Variants in FAM118A observed in about 807,000 individuals in gnomAD.
The protein encoded by FAM118A is protein FAM118A.
FAM118A carries 25 observed loss-of-function variants against 38.2 expected under a neutral mutation model. The observed-to-expected ratio is 0.65, with a 90% confidence interval of 0.48 to 0.91. FAM118A has a LOEUF of 0.91. Among genes scored for constraint, FAM118A ranks in the 40% least tolerant of loss-of-function variants. The pLI, the probability that FAM118A is intolerant of heterozygous loss-of-function variation, is 0.00. For missense variants in FAM118A, 425 were observed against 463.3 expected, an observed-to-expected ratio of 0.92 and a Z score of 0.76; for synonymous variants, 178 against 184.1, an observed-to-expected ratio of 0.97 and a Z score of 0.27.
At chr22:45,327,774 G>A in intron 3 of FAM118A, 68 bp from the exon 4 acceptor site, 1 of 1,512,980 alleles carries the variant, frequency 6.6e-7, no homozygotes, top group Non-Finnish European at 9.1e-7. Flanking sequence ...CCAGAAAATG[G>A]CCTGCTTAGG....
chr22:45,340,063 T>C (rs756655363), intron 8 of FAM118A, among the ~76,000 whole-genome samples: 1 of 152,194 alleles, frequency 6.6e-6, no homozygotes, highest in South Asian at 2.1e-4. Flanking sequence ...TCTCCATACC[T>C]CCAACAGGCT....
rs6007597 is a variant in FAM118A at position 45,333,747 on chromosome 22, G to C, written c.937+1037G>C. Among the ~76,000 whole-genome samples the C allele has an allele frequency of 2.5e-4, 37 of 150,166 alleles. No individual in the cohort carries two copies. The South Asian group carries it at 2.8e-3, about 11-fold the overall frequency. ...TACCAGCTACTCTGGAGGCTCAGGT[G>C]GGGGGATTGCTTGAGCCCAGGAGTT... On this transcript the variant is annotated intron_variant, in intron 6 of 8. Coordinates refer to ENST00000441876, the MANE Select transcript of FAM118A (RefSeq NM_017911.4).
chr22:45,328,632 TAA>T (rs34080495), intron 4 of FAM118A: 7,405 of 504,046 alleles, frequency 0.015, no homozygotes, highest in Middle Eastern at 0.032. Flanking sequence ...CCCTTTCTCT[TAA>T]AAAAAAAAAA....
intron 1 of FAM118A, among the ~76,000 whole-genome samples, chr22:45,313,682 A>G (rs2084478730): frequency 1.3e-5 from 2 of 152,130 alleles, no homozygotes; most frequent in African/African-American, 4.8e-5. Flanking sequence ...TTAGGAAGAA[A>G]AATCTACAGG....
At chr22:45,336,993 C>T (rs889371956) in intron 8 of FAM118A, among the ~76,000 whole-genome samples, 1 of 152,240 alleles carries the variant, frequency 6.6e-6, no homozygotes, top group Non-Finnish European at 1.5e-5. Context: ...GAATAGGCCT[C>T]TCTGTTGACG....
chr22:45,309,731 G>C (rs1353071376), upstream of FAM118A: 1 of 152,256 alleles, frequency 6.6e-6, no homozygotes. Context: ...GCCTGCGCTG[G>C]AGACCCCGGG....
intron 1 of FAM118A, among the ~76,000 whole-genome samples, chr22:45,316,026 A>G (rs934834777): frequency 2.0e-5 from 3 of 152,148 alleles, no homozygotes; most frequent in African/African-American, 7.2e-5. Context: ...ATGTGCTTGA[A>G]GACTGTTGCT....
chr22:45,320,599 T>G (rs1226649808), intron 1 of FAM118A, among the ~76,000 whole-genome samples: 3 of 152,098 alleles, frequency 2.0e-5, no homozygotes, highest in African/African-American at 7.2e-5. Context: ...CCACATTGGC[T>G]AATTTTTGTA....
At chr22:45,325,209 G>A (rs2085175777) in intron 3 of FAM118A, among the ~76,000 whole-genome samples, 1 of 152,232 alleles carries the variant, frequency 6.6e-6, no homozygotes, top group African/African-American at 2.4e-5. Context: ...TGTCTAGAAT[G>A]AGAATCGTTT....
At chr22:45,318,008 C>G (rs931293571) in intron 1 of FAM118A, among the ~76,000 whole-genome samples, 5 of 152,198 alleles carry the variant, frequency 3.3e-5, no homozygotes, top group African/African-American at 9.6e-5. Context: ...CATCCTACCA[C>G]GGTAGGGTTG....
intron 8 of FAM118A, among the ~76,000 whole-genome samples, chr22:45,337,037 C>T (rs779156092): frequency 3.9e-5 from 6 of 152,186 alleles, no homozygotes; most frequent in Non-Finnish European, 7.4e-5. Context: ...TCGTGCCGGT[C>T]CCTCCCTCTC....
Position 45,341,328 on chromosome 22 carries a change from G to A in FAM118A, c.*923G>A, listed in dbSNP as rs1365908923. On this transcript the variant is annotated 3_prime_UTR_variant, in exon 9 of 9. Coordinates refer to ENST00000441876, the MANE Select transcript of FAM118A (RefSeq NM_017911.4). Reference sequence around the variant, plus strand: ...GATATTGCTAAGAACTGAAATCGGAGGAGCCAGAGGCCCTTTTCAGTCCAG... The same window carrying A: ...GATATTGCTAAGAACTGAAATCGGAAGAGCCAGAGGCCCTTTTCAGTCCAG... 6.6e-6 allele frequency: 1 copy of A among 152,194 alleles called. No individual in the cohort carries two copies. The allele number at this position is 152,194 out of a possible 1,614,324, so 9.4% of individuals were successfully genotyped here.
At chr22:45,313,337 T>C (rs1422190521) in intron 1 of FAM118A, among the ~76,000 whole-genome samples, 1 of 150,952 alleles carries the variant, frequency 6.6e-6, no homozygotes, top group Non-Finnish European at 1.5e-5. Context: ...TTTTTTTTTT[T>C]TTGAGATGGA....
intron 1 of FAM118A, 51 bp from the exon 2 acceptor site, chr22:45,322,320 A>C (rs760851685): frequency 1.6e-5 from 26 of 1,591,102 alleles, no homozygotes; most frequent in Non-Finnish European, 2.2e-5. Flanking sequence ...GTGCAAATAA[A>C]AACTTTTACC....
At chr22:45,327,195 G>A (rs1344853353) in intron 3 of FAM118A, among the ~76,000 whole-genome samples, 1 of 151,544 alleles carries the variant, frequency 6.6e-6, no homozygotes, top group Non-Finnish European at 1.5e-5. Context: ...AGCTATCCTG[G>A]CACCACTGTG....
chr22:45,317,768 G>T (rs1193951484), intron 1 of FAM118A, among the ~76,000 whole-genome samples: 2 of 152,252 alleles, frequency 1.3e-5, no homozygotes, highest in Non-Finnish European at 2.9e-5. Flanking sequence ...TTGCTCTTGT[G>T]TGGGTGGATG....
At chr22:45,315,278 T>C (rs78007203) in intron 1 of FAM118A, among the ~76,000 whole-genome samples, 8,180 of 152,238 alleles carry the variant, frequency 0.054, 565 homozygotes, top group African/African-American at 0.16. Flanking sequence ...ATTTTTCCCA[T>C]TATAATTAAG....
intron 8 of FAM118A, 102 bp from the exon 9 acceptor site, chr22:45,340,284 T>A (rs1035266445): frequency 7.1e-7 from 1 of 1,416,836 alleles, no homozygotes. Context: ...CTTCCGTACA[T>A]AAGAACAATT....
At chr22:45,314,531 CAA>C (rs2084521599) in intron 1 of FAM118A, among the ~76,000 whole-genome samples, 1 of 152,208 alleles carries the variant, frequency 6.6e-6, no homozygotes, top group Non-Finnish European at 1.5e-5. Flanking sequence ...GGGAAGTTGA[CAA>C]AGTCACTGTC....
Sources: gnomAD v4.1 joint callset for allele counts (sites outside exome capture counted in the v4.1 genomes callset) on GRCh38, gnomAD v4.1.1 for gene constraint, MANE v1.5 for transcripts, NCBI Gene and HGNC (gene_info 2026-07-23, HGNC 2026-07-21) for gene names.